Variants in ZCCHC7 observed in about 807,000 individuals in gnomAD.
The protein encoded by ZCCHC7 is zinc finger CCHC-type containing 7.
In ZCCHC7, 35 loss-of-function variants were observed where a neutral mutation model predicts 52.0. The observed-to-expected ratio is 0.67, with a 90% CI of 0.51 to 0.89. The LOEUF (loss-of-function observed/expected upper bound fraction) is 0.89. ZCCHC7 is among the 40% of genes least tolerant of loss of function. The pLI is 0.00. For missense variants in ZCCHC7, 574 were observed against 649.1 expected, an observed-to-expected ratio of 0.88 and a Z score of 1.26; for synonymous variants, 217 against 221.5, an observed-to-expected ratio of 0.98 and a Z score of 0.18.
chr9:37,303,443 G>GA (rs1308436353), intron 3 of ZCCHC7, among the ~76,000 whole-genome samples: 1 of 150,362 alleles, frequency 6.7e-6, no homozygotes, highest in Non-Finnish European at 1.5e-5. Context: ...AAAAAAGAAA[G>GA]AAAGAAAAGA....
chr9:37,269,644 A>C (rs1054521346), intron 2 of ZCCHC7, among the ~76,000 whole-genome samples: 4 of 147,854 alleles, frequency 2.7e-5, no homozygotes, highest in Non-Finnish European at 6.0e-5. Context: ...AAAAAAAAAA[A>C]AACAAAAGAA....
intron 2 of ZCCHC7, among the ~76,000 whole-genome samples, chr9:37,127,659 G>A (rs1842602339): frequency 6.6e-6 from 1 of 152,248 alleles, no homozygotes; most frequent in Admixed American, 6.5e-5. Flanking sequence ...AGTTTCCTAA[G>A]TAGTCTTCTT....
At chr9:37,327,608 A>G (rs916530857) in intron 5 of ZCCHC7, 191 bp from the exon 6 acceptor site, 4 of 482,620 alleles carry the variant, frequency 8.3e-6, no homozygotes, top group African/African-American at 2.0e-5. Flanking sequence ...AATGGCGGGG[A>G]GTGTGTTAAA....
chr9:37,298,527 A>G (rs751057669), intron 2 of ZCCHC7, among the ~76,000 whole-genome samples: 1 of 152,232 alleles, frequency 6.6e-6, no homozygotes, highest in Non-Finnish European at 1.5e-5. Context: ...GACAGACACA[A>G]AATAGTACAT....
intron 2 of ZCCHC7, among the ~76,000 whole-genome samples, chr9:37,255,418 T>C (rs1036310137): frequency 1.3e-5 from 2 of 152,126 alleles, no homozygotes; most frequent in East Asian, 1.9e-4. Context: ...GTATATAGCA[T>C]GGATACACTG....
chr9:37,256,859 T>G (rs1249298119), intron 2 of ZCCHC7, among the ~76,000 whole-genome samples: 1 of 152,210 alleles, frequency 6.6e-6, no homozygotes, highest in Admixed American at 6.5e-5. Flanking sequence ...TAAAAAGCAA[T>G]TGAATTACTG....
intron 2 of ZCCHC7, among the ~76,000 whole-genome samples, chr9:37,134,013 C>T (rs7035884): frequency 0.051 from 7,835 of 152,190 alleles, 648 homozygotes; most frequent in African/African-American, 0.17. Context: ...TGTGAGCCAC[C>T]GTGCCCGACT....
At chr9:37,125,130 C>T (rs773596465) in intron 1 of ZCCHC7, among the ~76,000 whole-genome samples, 5 of 152,196 alleles carry the variant, frequency 3.3e-5, no homozygotes, top group East Asian at 1.9e-4. Flanking sequence ...GGATTACAGG[C>T]GTGAGCCACT....
intron 2 of ZCCHC7, among the ~76,000 whole-genome samples, chr9:37,199,678 G>GTCTGTCTGTCTT (rs1197594187): frequency 8.8e-5 from 6 of 68,010 alleles, no homozygotes; most frequent in Non-Finnish European, 1.4e-4. Context: ...CTTTCTCTCT[G>GTCTGTCTGTCTT]TCTGTCTGTC....
chr9:37,190,375 T>C lies in ZCCHC7; in HGVS notation c.610+63433T>C, dbSNP rs557522686. Among the ~76,000 whole-genome samples, 3 of 152,354 alleles carry C rather than the reference T, an allele frequency of 2.0e-5. No individual in the cohort carries two copies. In the South Asian group the frequency reaches 6.2e-4, roughly 32 times the overall value. On this transcript the variant is annotated intron_variant, in intron 2 of 8. Transcript: ENST00000336755. The stretch of plus-strand genomic sequence containing the variant: ...TCCTCAAGCTAGAACTAGAGGCTTC[T>C]CCTGGAGTTCTCTTTGTCTATCCCT...
chr9:37,152,511 G>C (rs1052040742), intron 2 of ZCCHC7, among the ~76,000 whole-genome samples: 6 of 152,004 alleles, frequency 3.9e-5, no homozygotes, highest in Non-Finnish European at 4.4e-5. Context: ...TGTCTCCTTA[G>C]GCTTCTCTTG....
chr9:37,320,127 GA>G (rs1200085480), intron 5 of ZCCHC7, among the ~76,000 whole-genome samples: 1 of 152,182 alleles, frequency 6.6e-6, no homozygotes, highest in Non-Finnish European at 1.5e-5. Context: ...GCCCAGGCTA[GA>G]GTGCAGTGGC....
intron 5 of ZCCHC7, among the ~76,000 whole-genome samples, chr9:37,310,091 C>G (rs1176876293): frequency 6.6e-6 from 1 of 152,006 alleles, no homozygotes; most frequent in African/African-American, 2.4e-5. Context: ...AAGCTTTTTC[C>G]TAAAATCTGT....
intron 2 of ZCCHC7, among the ~76,000 whole-genome samples, chr9:37,243,896 CGTA>C (rs1825974598): frequency 6.6e-6 from 1 of 151,772 alleles, no homozygotes; most frequent in African/African-American, 2.4e-5. Flanking sequence ...TGGATTTTTA[CGTA>C]GTAGTAACAA....
intron 2 of ZCCHC7, among the ~76,000 whole-genome samples, chr9:37,298,253 T>A (rs535806730): frequency 6.6e-6 from 1 of 152,248 alleles, no homozygotes; most frequent in African/African-American, 2.4e-5. Flanking sequence ...GGGGGCAAAG[T>A]GTAAAAAAAT....
chr9:37,283,412 C>A (rs1828064324), intron 2 of ZCCHC7, among the ~76,000 whole-genome samples: 1 of 152,160 alleles, frequency 6.6e-6, no homozygotes, highest in South Asian at 2.1e-4. Context: ...ATAGCCTCTT[C>A]AAGTACTCCT....
chr9:37,327,287 G>A, intron 5 of ZCCHC7: 1 of 146,196 alleles, frequency 6.8e-6, no homozygotes, highest in Admixed American at 6.8e-5. Flanking sequence ...TGTTCTTGTT[G>A]TTTTTAATTC....
chr9:37,152,953 CCATT>C (rs1487205989), intron 2 of ZCCHC7, among the ~76,000 whole-genome samples: 1 of 151,918 alleles, frequency 6.6e-6, no homozygotes, highest in Non-Finnish European at 1.5e-5. Flanking sequence ...CTGTTCTTGC[CCATT>C]CATTCATTCT....
chr9:37,244,758 A>G (rs1391914788), intron 2 of ZCCHC7, among the ~76,000 whole-genome samples: 1 of 151,922 alleles, frequency 6.6e-6, no homozygotes, highest in Non-Finnish European at 1.5e-5. Context: ...AGTGAGGGCC[A>G]CTGTGTATTT....
Sources: allele counts gnomAD v4.1 joint callset (sites outside exome capture counted in the v4.1 genomes callset), GRCh38; gene constraint gnomAD v4.1.1; transcripts MANE v1.5; gene names NCBI Gene and HGNC (gene_info 2026-07-23, HGNC 2026-07-21).